The following COL10A1 variants were observed in gnomAD, a reference collection of about 807,000 sequenced individuals.
COL10A1 encodes collagen alpha-1(X) chain.
Under a neutral mutation model 18.2 loss-of-function variants are expected in COL10A1, and 10 were observed. That is an observed-to-expected ratio of 0.55 (90% confidence interval 0.34 to 0.93). COL10A1 has a LOEUF of 0.93. COL10A1 is among the 40% of genes least tolerant of loss of function. The pLI is 0.02. For missense variants in COL10A1, 897 were observed against 853.5 expected, an observed-to-expected ratio of 1.05 and a Z score of -0.64; for synonymous variants, 330 against 316.6, an observed-to-expected ratio of 1.04 and a Z score of -0.45.
intron 1 of COL10A1, among the ~76,000 whole-genome samples, chr6:116,132,168 T>C (rs1473832188): frequency 2.0e-5 from 3 of 152,172 alleles, no homozygotes; most frequent in African/African-American, 7.2e-5. Context: ...TGAATGTCTT[T>C]GGGAGAGAGT....
At chr6:116,171,908 G>A in the COL10A1 span, among the ~76,000 whole-genome samples, 5 of 152,296 alleles carry the variant, frequency 3.3e-5, no homozygotes, top group South Asian at 2.1e-4. Flanking sequence ...GTTTAAGTCC[G>A]AGAGTGAGAG....
At chr6:116,174,940 A>G in the COL10A1 span, among the ~76,000 whole-genome samples, 1 of 152,116 alleles carries the variant, frequency 6.6e-6, no homozygotes, top group African/African-American at 2.4e-5. Context: ...TTTATAATAA[A>G]CCATTTTGTC....
At chr6:116,169,206 T>C in the COL10A1 span, among the ~76,000 whole-genome samples, 1 of 152,220 alleles carries the variant, frequency 6.6e-6, no homozygotes, top group African/African-American at 2.4e-5. Flanking sequence ...ACCTCTTAAA[T>C]CTTCATTGAC....
chr6:116,169,308 A>G, the COL10A1 span, among the ~76,000 whole-genome samples: 3 of 152,242 alleles, frequency 2.0e-5, no homozygotes, highest in African/African-American at 7.2e-5. Flanking sequence ...TTCAAATGGC[A>G]TAGTTCTCCA....
the COL10A1 span, among the ~76,000 whole-genome samples, chr6:116,185,075 A>G: frequency 2.0e-5 from 3 of 152,014 alleles, no homozygotes. Flanking sequence ...TATTATCATT[A>G]AGTTTAAAGA....
At chr6:116,201,914 A>T in the COL10A1 span, among the ~76,000 whole-genome samples, 1 of 152,020 alleles carries the variant, frequency 6.6e-6, no homozygotes, top group Non-Finnish European at 1.5e-5. Flanking sequence ...ACACTGGTAG[A>T]TTTATGCACC....
At chr6:116,128,321 T>TCAGA (rs1779375618), upstream of COL10A1, among the ~76,000 whole-genome samples, 3 of 152,118 alleles carry the variant, frequency 2.0e-5, no homozygotes, top group East Asian at 5.8e-4. Flanking sequence ...GATTGTAGAA[T>TCAGA]CAGAATATTT....
chr6:116,211,193 C>T, the COL10A1 span, among the ~76,000 whole-genome samples: 3 of 152,052 alleles, frequency 2.0e-5, no homozygotes, highest in Non-Finnish European at 4.4e-5. Context: ...GTTTCACCAG[C>T]TCTCACCGTT....
the COL10A1 span, among the ~76,000 whole-genome samples, chr6:116,168,195 G>T: frequency 6.8e-6 from 1 of 148,148 alleles, no homozygotes; most frequent in South Asian, 2.1e-4. Context: ...ATATTGTTCT[G>T]CTCCTTTTCT....
chr6:116,203,937 C>T, the COL10A1 span, among the ~76,000 whole-genome samples: 1 of 151,874 alleles, frequency 6.6e-6, no homozygotes, highest in East Asian at 1.9e-4. Flanking sequence ...TTTTAGAGAA[C>T]ACCAGTAGTT....
At chr6:116,193,826 T>G in the COL10A1 span, among the ~76,000 whole-genome samples, 1 of 151,984 alleles carries the variant, frequency 6.6e-6, no homozygotes, top group South Asian at 2.1e-4. Context: ...ATCCTAGCAC[T>G]TTGGGAGGCC....
the COL10A1 span, among the ~76,000 whole-genome samples, chr6:116,172,584 T>C: frequency 6.6e-6 from 1 of 152,102 alleles, no homozygotes; most frequent in Admixed American, 6.5e-5. Context: ...CCTCCCAAAG[T>C]GCTGGGATTA....
At chr6:116,202,959 A>AT in the COL10A1 span, among the ~76,000 whole-genome samples, 1 of 151,992 alleles carries the variant, frequency 6.6e-6, no homozygotes, top group African/African-American at 2.4e-5. Flanking sequence ...GGGCTGTCTC[A>AT]TAATAAACTT....
At chr6:116,130,930 C>G (rs1370192217), upstream of COL10A1, among the ~76,000 whole-genome samples, 2 of 152,068 alleles carry the variant, frequency 1.3e-5, no homozygotes, top group East Asian at 3.8e-4. Flanking sequence ...GGTATTTTCA[C>G]TAGAGCTGCA....
intron 1 of COL10A1, among the ~76,000 whole-genome samples, chr6:116,143,337 A>G (rs182289814): frequency 1.3e-5 from 2 of 152,212 alleles, no homozygotes; most frequent in East Asian, 1.9e-4. Flanking sequence ...CAACCTCTCA[A>G]GTAGCTGGGA....
In COL10A1 at chr6:116,125,657, C is replaced by T. The variant is rs1582818300; in HGVS notation, c.-15-150G>A. 15 of 627,874 alleles carry T rather than the reference C, an allele frequency of 2.4e-5. No individual in the cohort carries two copies. In the East Asian group the frequency reaches 4.7e-4, roughly 20 times the overall value. 38.9% of individuals were successfully genotyped at this position (627,874 alleles called of 1,614,324 possible). ...TATGTGCCATAAATAAATGAGAGAT[C>T]ATTTTTTAGTTATGTGAATATATGT... On this transcript the variant is annotated intron_variant, in intron 1 of 2. Transcript: ENST00000651968.
rs752878392 is a variant in COL10A1 at position 116,121,791 on chromosome 6, C to G, written c.325G>C (p.Gly109Arg). The change falls in exon 3 of 3, where the codon GGT (glycine) becomes CGT (arginine). Residue 109 changes from glycine to arginine, a missense_variant. Coordinates refer to ENST00000651968, the MANE Select transcript of COL10A1 (RefSeq NM_000493.4). The part of the protein sequence containing the change: ...PPGPSAVGKP[G>R]VPGLPGKPGE... Reference sequence around the variant, plus strand: ...GGTTTTCCTGGGAGTCCTGGCACACCTGGTTTCCCTACAGCTGATGGTCCC... The same window carrying G: ...GGTTTTCCTGGGAGTCCTGGCACACGTGGTTTCCCTACAGCTGATGGTCCC... 6 of 1,613,776 alleles carry G rather than the reference C, an allele frequency of 3.7e-6. No homozygotes were observed. Among genetic ancestry groups the G allele is most frequent in the Non-Finnish European group, 5.1e-6 (6 of 1,179,976 alleles).
At chr6:116,123,338 A>C (rs1779192347) in intron 2 of COL10A1, among the ~76,000 whole-genome samples, 1 of 152,216 alleles carries the variant, frequency 6.6e-6, no homozygotes. Context: ...TTTGGCTTCT[A>C]TTGAATGCTT....
At chr6:116,142,950 C>T (rs1413697186) in intron 1 of COL10A1, among the ~76,000 whole-genome samples, 3 of 152,104 alleles carry the variant, frequency 2.0e-5, no homozygotes, top group Non-Finnish European at 4.4e-5. Context: ...ATTAACTATT[C>T]TCTGTGTTTC....
Sources: gnomAD v4.1 joint callset for allele counts (sites outside exome capture counted in the v4.1 genomes callset) on GRCh38, gnomAD v4.1.1 for gene constraint, MANE v1.5 for transcripts, NCBI Gene and HGNC (gene_info 2026-07-23, HGNC 2026-07-21) for gene names.